Variants in WDR20 observed in about 807,000 individuals in gnomAD.
WDR20 encodes the protein WD repeat domain 20.
Under a neutral mutation model 38.7 loss-of-function variants are expected in WDR20, and 3 were observed. The observed-to-expected ratio is 0.08, with a 90% confidence interval of 0.04 to 0.20. The LOEUF is 0.20. WDR20 is among the 10% of genes least tolerant of loss of function. The pLI is 1.00. For missense variants in WDR20, 559 were observed against 727.7 expected (o/e 0.77, Z 2.67); for synonymous variants, 298 against 285.6 (o/e 1.04, Z -0.44).
downstream of WDR20, among the ~76,000 whole-genome samples, chr14:102,217,736 G>A (rs943830907): frequency 6.6e-6 from 1 of 152,252 alleles, no homozygotes; most frequent in Non-Finnish European, 1.5e-5. Flanking sequence ...GTTGTGGTCT[G>A]TGTAGTGAGA....
At position 102,191,963 on chromosome 14, in the gene WDR20, C is replaced by G. The variant is rs530458087; in HGVS notation, c.250-2975C>G. 2.6e-5 allele frequency among the ~76,000 whole-genome samples: 4 copies of G among 152,254 alleles called. No individual in the cohort carries two copies. In the South Asian group the frequency reaches 8.3e-4, roughly 32 times the overall value. ...GAAAAAGACATACAGAATATAAACT[C>G]TAACTTTTTATCATTACATTCAACA... On this transcript the variant is annotated intron_variant, in intron 1 of 2. Coordinates refer to ENST00000342702, the MANE Select transcript of WDR20 (RefSeq NM_144574.4).
chr14:102,146,016 A>T (rs2152690709), intron 1 of WDR20, among the ~76,000 whole-genome samples: 1 of 149,856 alleles, frequency 6.7e-6, no homozygotes, highest in East Asian at 2.0e-4. Flanking sequence ...ATGGAAATGG[A>T]TTCATCATTC....
chr14:102,150,825 A>T (rs2055529879), intron 1 of WDR20, among the ~76,000 whole-genome samples: 1 of 152,236 alleles, frequency 6.6e-6, no homozygotes, highest in African/African-American at 2.4e-5. Context: ...TGATATTCAC[A>T]CACTCATTCT....
downstream of WDR20, chr14:102,215,034 C>T (rs1192491737): frequency 2.1e-6 from 2 of 967,170 alleles, no homozygotes; most frequent in African/African-American, 3.5e-5. Context: ...GTCATTTTCA[C>T]ATCTAAGCTT....
At chr14:102,185,694 C>T (rs1009893246) in intron 1 of WDR20, among the ~76,000 whole-genome samples, 11 of 151,878 alleles carry the variant, frequency 7.2e-5, no homozygotes, top group African/African-American at 2.7e-4. Flanking sequence ...CTGATGGAGA[C>T]TGTTTGCTTT....
At chr14:102,215,517 A>G (rs1416543170), downstream of WDR20, among the ~76,000 whole-genome samples, 2 of 152,042 alleles carry the variant, frequency 1.3e-5, no homozygotes, top group African/African-American at 4.8e-5. Context: ...GGTTTGTTAC[A>G]TAGGGATGCA....
rs754536997 is a variant in WDR20, at chr14:102,139,956, C to A, written c.33C>A (p.Asn11Lys). 5 of 1,613,794 alleles carry A rather than the reference C, an allele frequency of 3.1e-6. No homozygotes were observed. Among genetic ancestry groups the A allele is most frequent in the Admixed American group, 1.7e-5 (1 of 60,010 alleles). MATEGGGKEM[N>K]EIKTQFTTRE... ...CGGAGGGAGGAGGGAAGGAGATGAA[C>A]GAGATTAAGACCCAATTCACCACCC... The change falls in exon 1 of 3, where the codon AAC becomes AAA. Residue 11 changes from asparagine (N) to lysine (K), a missense_variant. Asn to Lys is a moderately conservative substitution (Grantham distance 94, BLOSUM62 0). Transcript: ENST00000342702.
chr14:102,142,059 A>G (rs2051426920), intron 1 of WDR20, among the ~76,000 whole-genome samples: 1 of 152,204 alleles, frequency 6.6e-6, no homozygotes, highest in African/African-American at 2.4e-5. Context: ...GTGGGACGCT[A>G]TTCCCTGAAG....
intron 1 of WDR20, among the ~76,000 whole-genome samples, chr14:102,156,313 A>G (rs2057370035): frequency 6.6e-6 from 1 of 151,056 alleles, no homozygotes. Context: ...GACTACAGGC[A>G]CCCACCCCCA....
intron 1 of WDR20, among the ~76,000 whole-genome samples, chr14:102,183,343 G>A (rs1253294673): frequency 6.6e-6 from 1 of 152,222 alleles, no homozygotes; most frequent in Admixed American, 6.5e-5. Context: ...GCCAAGTCAA[G>A]CATTTTGGCC....
In WDR20 at chr14:102,221,920, C is replaced by T. The variant is rs567357322; in HGVS notation, c.1693-910C>T. On this transcript the variant is annotated intron_variant, in intron 3 of 3. Transcript: ENST00000335263. This position sits in a 1 kb window ranked among gnomAD's most constrained non-coding sequence, Gnocchi z 4.8. ...ATGTGCACCTTTGGGGCTGCACTGT[C>T]GCCATCTTAATGTTCTTCATAAATG... Among the ~76,000 whole-genome samples the T allele has an allele frequency of 6.0e-4, 92 of 152,198 alleles. No homozygotes were observed. The highest frequency in any genetic ancestry group is 2.3e-3 in the East Asian group (12 of 5,176).
Position 102,166,749 on chromosome 14 carries a change from G to A in WDR20, c.249+26577G>A, listed in dbSNP as rs531588754. Among the ~76,000 whole-genome samples the A allele has an allele frequency of 2.0e-5, 3 of 152,258 alleles. No individual in the cohort carries two copies. In the South Asian group the frequency reaches 6.2e-4, roughly 32 times the overall value. ...CTATTTGCATGGAATGTCTTTATAT[G>A]CCTTACTGTCTTGTCACTCATGAGA... On this transcript the variant is annotated intron_variant, in intron 1 of 2. Coordinates refer to ENST00000342702, the MANE Select transcript of WDR20 (RefSeq NM_144574.4).
chr14:102,173,638 C>G (rs1304460369), intron 1 of WDR20, among the ~76,000 whole-genome samples: 2 of 151,746 alleles, frequency 1.3e-5, no homozygotes, highest in Non-Finnish European at 2.9e-5. Context: ...ACCCTTCCCC[C>G]TGCGTCCCCA....
At chr14:102,217,248 G>A (rs900521658), downstream of WDR20, among the ~76,000 whole-genome samples, 5 of 152,162 alleles carry the variant, frequency 3.3e-5, no homozygotes, top group Admixed American at 2.0e-4. Context: ...GTGACAGCCC[G>A]GGCCGGTGCT....
intron 1 of WDR20, among the ~76,000 whole-genome samples, chr14:102,162,235 A>T (rs930599803): frequency 6.6e-6 from 1 of 152,224 alleles, no homozygotes; most frequent in Non-Finnish European, 1.5e-5. Context: ...CAGGGAATAC[A>T]ACACACTGGA....
intron 1 of WDR20, among the ~76,000 whole-genome samples, chr14:102,156,261 G>A (rs1161682609): frequency 1.3e-5 from 2 of 150,786 alleles, no homozygotes; most frequent in African/African-American, 2.4e-5. Context: ...TCCACCTCCC[G>A]GGTTCACGCC....
chr14:102,212,447 G>C, downstream of WDR20: 2 of 1,506,304 alleles, frequency 1.3e-6, no homozygotes, highest in Non-Finnish European at 1.8e-6. Context: ...AGCCCAGGCT[G>C]GCCCAGGCCC....
At chr14:102,177,926 T>C (rs1463958067) in intron 1 of WDR20, among the ~76,000 whole-genome samples, 2 of 152,244 alleles carry the variant, frequency 1.3e-5, no homozygotes, top group African/African-American at 2.4e-5. Flanking sequence ...TCTTTTCTTA[T>C]CTGCAATCCT....
chr14:102,205,009 G>A (rs1388827138), intron 2 of WDR20, among the ~76,000 whole-genome samples: 2 of 152,214 alleles, frequency 1.3e-5, no homozygotes, highest in Non-Finnish European at 2.9e-5. Flanking sequence ...CACTTCGAGA[G>A]GCCAAGGCAG....
Sources: allele counts gnomAD v4.1 joint callset (sites outside exome capture counted in the v4.1 genomes callset), GRCh38; gene constraint gnomAD v4.1.1; non-coding constraint Gnocchi (gnomAD v3.1); transcripts MANE v1.5; gene names NCBI Gene and HGNC (gene_info 2026-07-23, HGNC 2026-07-21).